The following TXNDC11 variants were observed in gnomAD, a reference collection of about 807,000 sequenced individuals.
The protein encoded by TXNDC11 is thioredoxin domain-containing protein 11.
A neutral mutation model predicts 78.0 loss-of-function variants in TXNDC11; 68 were observed. That is an observed-to-expected ratio of 0.87 (90% confidence interval 0.72 to 1.07). The LOEUF is 1.07. Ranked by LOEUF, TXNDC11 falls within the 50% of genes least tolerant of loss-of-function variation. The pLI is 0.00. For missense variants in TXNDC11, 1,389 were observed against 1,221.8 expected (o/e 1.14, Z -2.04); for synonymous variants, 571 against 495.2 (o/e 1.15, Z -2.03).
At chr16:11,705,301 T>C (rs1299970139) in intron 5 of TXNDC11, among the ~76,000 whole-genome samples, 2 of 152,244 alleles carry the variant, frequency 1.3e-5, no homozygotes, top group African/African-American at 2.4e-5. Context: ...TGGAACTCTC[T>C]GTTTTATTTT....
intron 7 of TXNDC11, among the ~76,000 whole-genome samples, chr16:11,694,542 G>T (rs2050808939): frequency 6.6e-6 from 1 of 152,008 alleles, no homozygotes; most frequent in Non-Finnish European, 1.5e-5. Context: ...CTGCCTCCCA[G>T]GTTCAAGCGT....
intron 7 of TXNDC11, among the ~76,000 whole-genome samples, chr16:11,696,696 G>A (rs779990471): frequency 1.3e-5 from 2 of 152,208 alleles, no homozygotes; most frequent in Non-Finnish European, 2.9e-5. Context: ...CCCAAAGAAA[G>A]GAGTCACAGG....
chr16:11,681,326 GA>G (rs1428242594), intron 11 of TXNDC11, among the ~76,000 whole-genome samples: 1 of 152,210 alleles, frequency 6.6e-6, no homozygotes, highest in Non-Finnish European at 1.5e-5. Flanking sequence ...TTACTTCCCA[GA>G]AAAAGCTGCC....
At position 11,684,221 on chromosome 16, in the gene TXNDC11, A is replaced by C. The variant is rs200581409; in HGVS notation, c.2178T>G (p.Leu726=). 1.4e-4 allele frequency: 222 copies of C among 1,613,674 alleles called. No individual in the cohort carries two copies. The highest frequency in any genetic ancestry group is 1.8e-4 in the Non-Finnish European group (213 of 1,179,758). Residue 726 remains leucine, a synonymous_variant, in exon 11 of 12, where the codon CTT becomes CTG. Coordinates refer to ENST00000283033, the MANE Select transcript of TXNDC11 (RefSeq NM_015914.7). Reference sequence around the variant, plus strand: ...GACGATCGACCATAAATTCCCAAGGAAGGTCATTCTGAGACACGTCAATCC... The same window carrying C: ...GACGATCGACCATAAATTCCCAAGGCAGGTCATTCTGAGACACGTCAATCC... The part of the protein sequence containing the change: ...VARIDVSQND[L]PWEFMVDRLP...
At chr16:11,733,893 C>A (rs2052133013) in intron 3 of TXNDC11, 89 bp downstream of exon 3, 1 of 869,160 alleles carries the variant, frequency 1.2e-6, no homozygotes. Flanking sequence ...TAGTGAATAT[C>A]TAATACTTTA....
intron 4 of TXNDC11, among the ~76,000 whole-genome samples, chr16:11,726,691 A>G (rs2051889380): frequency 6.6e-6 from 1 of 152,184 alleles, no homozygotes; most frequent in Non-Finnish European, 1.5e-5. Context: ...AAACCAAGAT[A>G]CAATTAGTAC....
rs748809839 is a variant in TXNDC11, at chr16:11,691,710, T to G, written c.1480A>C (p.Asn494His). 7 of 1,614,226 alleles carry G rather than the reference T, an allele frequency of 4.3e-6. No individual in the cohort carries two copies. In the Admixed American group the frequency reaches 1.2e-4, roughly 27 times the overall value. ...AAGGGGCTATAGGAAGTTAAAAAAT[T>G]GCTGCATTCTATGCTGTCTGATGCC... ...HVASDSIECS[N>H]FLTSYSPFSY... Residue 494 changes from asparagine (N) to histidine (H), a missense_variant, in exon 8 of 12, where the codon AAT (asparagine) becomes CAT (histidine). Asn to His is a moderately conservative substitution (Grantham distance 68). Coordinates refer to ENST00000283033, the MANE Select transcript of TXNDC11 (RefSeq NM_015914.7).
intron 4 of TXNDC11, among the ~76,000 whole-genome samples, chr16:11,721,994 T>G (rs2051721275): frequency 1.3e-5 from 2 of 152,166 alleles, no homozygotes; most frequent in South Asian, 4.1e-4. Context: ...AGTACAATTC[T>G]CCCAGGCTCA....
chr16:11,732,728 T>A (rs1289905347), intron 3 of TXNDC11, among the ~76,000 whole-genome samples: 2 of 152,204 alleles, frequency 1.3e-5, no homozygotes, highest in African/African-American at 4.8e-5. Context: ...TAATAGTTCC[T>A]GGGAGTCAAT....
Position 11,679,972 on chromosome 16 carries a change from A to T in TXNDC11, c.2235-135T>A. 1 of 793,646 alleles carries T rather than the reference A, an allele frequency of 1.3e-6. No homozygotes were observed. The highest frequency in any genetic ancestry group is 2.0e-6 in the Non-Finnish European group (1 of 504,048). The allele number at this position is 793,646 out of a possible 1,614,324, so 49.2% of individuals were successfully genotyped here. On this transcript the variant is annotated intron_variant, in intron 11 of 11. Transcript: ENST00000283033. This position sits in a 1 kb window ranked among gnomAD's most constrained non-coding sequence, Gnocchi z 4.6. ...TCCGTGGATTTTACTTACTGAAAGTAAGGAAAATGTTGCCTGGGCAAGAAA... is the reference window on the plus strand; with the variant it reads ...TCCGTGGATTTTACTTACTGAAAGTTAGGAAAATGTTGCCTGGGCAAGAAA...
chr16:11,711,555 T>G (rs2051360847), intron 5 of TXNDC11, among the ~76,000 whole-genome samples: 1 of 152,326 alleles, frequency 6.6e-6, no homozygotes, highest in South Asian at 2.1e-4. Context: ...CATTACACTC[T>G]GCTATTTTGC....
At chr16:11,693,244 C>A (rs979010152) in intron 7 of TXNDC11, among the ~76,000 whole-genome samples, 2 of 152,186 alleles carry the variant, frequency 1.3e-5, no homozygotes, top group Non-Finnish European at 2.9e-5. Flanking sequence ...TACCGTCAAG[C>A]CAGTATTGGC....
Position 11,742,515 on chromosome 16 carries a change from G to A in TXNDC11, c.216C>T (p.Leu72=), listed in dbSNP as rs1464477970. ...TGAGGGCGAGGAGCAGCGCGCAGCC[G>A]AGCGCCACGGCCCCGCAGAGCAGCT... The part of the protein sequence containing the change: ...RPELLCGAVA[L]GCALLLALKF... The change falls in exon 1 of 12, where the codon CTC becomes CTT. Residue 72 remains leucine (L), a synonymous_variant. Coordinates refer to ENST00000283033, the MANE Select transcript of TXNDC11 (RefSeq NM_015914.7). The A allele has an allele frequency of 4.1e-6, 6 of 1,456,152 alleles. No individual in the cohort carries two copies. The highest frequency in any genetic ancestry group is 2.6e-5 in the Admixed American group (1 of 37,832). The allele number at this position is 1,456,152 out of a possible 1,614,324, so 90.2% of individuals were successfully genotyped here.
chr16:11,732,808 A>T (rs1426925700), intron 3 of TXNDC11, among the ~76,000 whole-genome samples: 1 of 152,198 alleles, frequency 6.6e-6, no homozygotes, highest in East Asian at 1.9e-4. Flanking sequence ...GAACCCACAA[A>T]TCACTGTTTG....
Position 11,742,599 on chromosome 16 carries a change from C to A in TXNDC11, c.132G>T (p.Ser44=), listed in dbSNP as rs1272711438. The A allele has an allele frequency of 4.1e-6, 6 of 1,459,012 alleles. No homozygotes were observed. In the Admixed American group the frequency reaches 1.3e-4, roughly 30 times the overall value. 90.4% of individuals were successfully genotyped at this position (1,459,012 alleles called of 1,614,324 possible). Residue 44 remains serine (S), a synonymous_variant, in exon 1 of 12, where the codon TCG becomes TCT. Coordinates refer to ENST00000283033, the MANE Select transcript of TXNDC11 (RefSeq NM_015914.7). ...GCAGCCCGCGACGGAGCCGGCCCGCCGAGGACGCTGTGGCCAGGGTCGGGC... is the reference window on the plus strand; with the variant it reads ...GCAGCCCGCGACGGAGCCGGCCCGCAGAGGACGCTGTGGCCAGGGTCGGGC... The part of the protein sequence containing the change: ...SSSPTLATAS[S]AGRLRRGLRG...
intron 5 of TXNDC11, among the ~76,000 whole-genome samples, chr16:11,713,298 A>G (rs1338791470): frequency 1.3e-5 from 2 of 151,928 alleles, no homozygotes; most frequent in Non-Finnish European, 2.9e-5. Context: ...AAAAAAAAGA[A>G]AAGAAATCAT....
At chr16:11,741,577 T>C (rs1396673543) in intron 1 of TXNDC11, among the ~76,000 whole-genome samples, 1 of 152,202 alleles carries the variant, frequency 6.6e-6, no homozygotes, top group Non-Finnish European at 1.5e-5. Flanking sequence ...AAGCTTCAAA[T>C]GTCACTTCCT....
At chr16:11,740,334 A>G (rs2052355133) in intron 1 of TXNDC11, among the ~76,000 whole-genome samples, 1 of 152,200 alleles carries the variant, frequency 6.6e-6, no homozygotes, top group Admixed American at 6.5e-5. Context: ...AAAGACTGTC[A>G]AATTTGCCAG....
intron 4 of TXNDC11, among the ~76,000 whole-genome samples, chr16:11,722,653 G>T (rs1206609657): frequency 1.3e-5 from 2 of 152,124 alleles, no homozygotes; most frequent in Non-Finnish European, 2.9e-5. Context: ...TCTTCACAGG[G>T]TTAGGCAAAG....
Sources: gnomAD v4.1 joint callset for allele counts (sites outside exome capture counted in the v4.1 genomes callset) on GRCh38, gnomAD v4.1.1 for gene constraint, Gnocchi (gnomAD v3.1) non-coding constraint, MANE v1.5 for transcripts, NCBI Gene and HGNC (gene_info 2026-07-23, HGNC 2026-07-21) for gene names.